The following DOCK3 variants were observed in gnomAD, a reference collection of about 807,000 sequenced individuals.
DOCK3 encodes the protein dedicator of cytokinesis protein 3.
DOCK3 carries 60 observed loss-of-function variants against 265.6 expected under a neutral mutation model. That is an observed-to-expected ratio of 0.23 (90% CI 0.18 to 0.28). DOCK3 has a LOEUF of 0.28. DOCK3 is among the 10% of genes least tolerant of loss of function. The pLI is 1.00. For synonymous variants in DOCK3, 881 were observed against 938.0 expected, an observed-to-expected ratio of 0.94 and a Z score of 1.11; for missense variants, 1,981 against 2,594.3, an observed-to-expected ratio of 0.76 and a Z score of 5.14.
At chr3:51,341,143 G>A (rs2085211148) in intron 37 of DOCK3, 94 bp from the exon 38 acceptor site, 1 of 1,433,188 alleles carries the variant, frequency 7.0e-7, no homozygotes, top group African/African-American at 1.4e-5. Flanking sequence ...GACTTGCGCT[G>A]GCATTCTGCC....
At chr3:51,362,130 C>A in intron 48 of DOCK3, 133 bp downstream of exon 48, 1 of 1,199,434 alleles carries the variant, frequency 8.3e-7, no homozygotes, top group Non-Finnish European at 1.1e-6. Context: ...CACCCCTCAC[C>A]AGAGCTAGAA....
At chr3:50,812,369 A>G (rs2106779407) in intron 2 of DOCK3, among the ~76,000 whole-genome samples, 1 of 152,348 alleles carries the variant, frequency 6.6e-6, no homozygotes, top group Non-Finnish European at 1.5e-5. Flanking sequence ...AGCTGGCAAA[A>G]GAAAGATGTT....
chr3:50,996,282 A>G (rs1295173369), intron 5 of DOCK3, among the ~76,000 whole-genome samples: 1 of 150,264 alleles, frequency 6.7e-6, no homozygotes, highest in Non-Finnish European at 1.5e-5. Context: ...CAGTGGCGCT[A>G]TCTCGGCTCA....
At chr3:50,840,639 G>A (rs1314998384) in intron 2 of DOCK3, among the ~76,000 whole-genome samples, 1 of 152,140 alleles carries the variant, frequency 6.6e-6, no homozygotes, top group African/African-American at 2.4e-5. Context: ...TTTTATGGAG[G>A]AGAGGCTCTT....
intron 1 of DOCK3, among the ~76,000 whole-genome samples, chr3:50,699,249 T>C (rs2035868021): frequency 6.6e-6 from 1 of 152,214 alleles, no homozygotes; most frequent in Admixed American, 6.5e-5. Flanking sequence ...ATTTATGGGT[T>C]TTCTATTCTG....
intron 32 of DOCK3, among the ~76,000 whole-genome samples, chr3:51,317,486 A>T (rs1274180985): frequency 6.6e-6 from 1 of 150,974 alleles, no homozygotes; most frequent in African/African-American, 2.4e-5. Context: ...AGGCTGAGGC[A>T]GGGGAATCAC....
At chr3:50,999,564 G>A (rs1311889186) in intron 5 of DOCK3, among the ~76,000 whole-genome samples, 2 of 151,970 alleles carry the variant, frequency 1.3e-5, no homozygotes, top group Non-Finnish European at 1.5e-5. Context: ...TATTCTCTTC[G>A]TACTGATGAC....
intron 5 of DOCK3, among the ~76,000 whole-genome samples, chr3:51,046,756 C>T: frequency 6.6e-6 from 1 of 151,986 alleles, no homozygotes; most frequent in East Asian, 1.9e-4. Context: ...ACATGCCACC[C>T]AATAGCAACA....
chr3:50,675,362 C>A lies in DOCK3; in HGVS notation c.37+62C>A. ...TGGGGGACGCGCCCAGCTCCCGGCC[C>A]CGCCTGGATTCGCATCCTCGTGCCC... is the stretch of plus-strand genomic sequence containing the variant. On this transcript the variant is annotated intron_variant, in intron 1 of 52. Transcript: ENST00000266037. The surrounding 1 kb of genome is among the most constrained non-coding windows in gnomAD (Gnocchi z 6.1). The A allele has an allele frequency of 8.5e-7, 1 of 1,173,944 alleles. No individual in the cohort carries two copies. The highest frequency in any genetic ancestry group is 1.1e-6 in the Non-Finnish European group (1 of 939,808). The allele number at this position is 1,173,944 out of a possible 1,614,324, so 72.7% of individuals were successfully genotyped here. A position where few individuals can be genotyped will look rare whatever the true frequency, so the allele number is the denominator to read the frequency against.
chr3:50,995,327 T>A (rs1313877229), intron 5 of DOCK3, among the ~76,000 whole-genome samples: 3 of 152,234 alleles, frequency 2.0e-5, no homozygotes, highest in Non-Finnish European at 4.4e-5. Context: ...TTTAGCAGTT[T>A]AATCAGTGCC....
intron 5 of DOCK3, among the ~76,000 whole-genome samples, chr3:50,941,818 A>G (rs911712194): frequency 6.6e-6 from 1 of 152,098 alleles, no homozygotes; most frequent in Admixed American, 6.6e-5. Context: ...TGCATACTCT[A>G]TGATTCCATT....
chr3:51,087,837 T>C (rs1301677849), intron 7 of DOCK3, among the ~76,000 whole-genome samples: 1 of 152,118 alleles, frequency 6.6e-6, no homozygotes, highest in Non-Finnish European at 1.5e-5. Flanking sequence ...TGGAAAACAG[T>C]ATGAGACTTC....
At chr3:50,803,991 C>T (rs1195493843) in intron 2 of DOCK3, among the ~76,000 whole-genome samples, 1 of 151,038 alleles carries the variant, frequency 6.6e-6, no homozygotes, top group Non-Finnish European at 1.5e-5. Flanking sequence ...GACAGGGCGG[C>T]CGGGCAGAGA....
chr3:51,031,498 C>G (rs534500277), intron 5 of DOCK3, among the ~76,000 whole-genome samples: 1 of 152,238 alleles, frequency 6.6e-6, no homozygotes, highest in African/African-American at 2.4e-5. Context: ...GTACTTTGTC[C>G]CAGCAAAGCT....
intron 12 of DOCK3, among the ~76,000 whole-genome samples, chr3:51,187,977 T>G: frequency 6.6e-6 from 1 of 152,156 alleles, no homozygotes; most frequent in Admixed American, 6.5e-5. Flanking sequence ...TGTGCCTTCA[T>G]GTAATATGAT....
Position 50,744,737 on chromosome 3 carries a change from C to A in DOCK3, c.38-33938C>A, listed in dbSNP as rs187726599. Among the ~76,000 whole-genome samples, 753 of 152,206 alleles carry A rather than the reference C, an allele frequency of 4.9e-3. 10 individuals carry two copies. The highest frequency in any genetic ancestry group is 0.017 in the African/African-American group (709 of 41,540). The stretch of plus-strand genomic sequence containing the variant: ...GGCGTGAGCCACTGTATCTGGCCTT[C>A]AGTTAATTTTTGTATGTGTTGATAG... On this transcript the variant is annotated intron_variant, in intron 1 of 52. Transcript: ENST00000266037.
intron 5 of DOCK3, among the ~76,000 whole-genome samples, chr3:51,008,130 T>C (rs1480228038): frequency 6.6e-6 from 1 of 152,204 alleles, no homozygotes; most frequent in Non-Finnish European, 1.5e-5. Context: ...CATGTGAACA[T>C]TAAAGTAGTT....
In DOCK3 at chr3:51,090,238, A is replaced by G. The variant is rs986946312; in HGVS notation, c.600A>G (p.Thr200=). The change falls in exon 9 of 53, where the codon ACA becomes ACG. Residue 200 remains threonine, a synonymous_variant. Coordinates refer to ENST00000266037, the MANE Select transcript of DOCK3 (RefSeq NM_004947.5). ...SVQQSTSQVD[T]MRPRHGETCR... is the part of the protein sequence containing the mutation. ...TTTTTCTTCCTCATTAGGTAGATAC[A>G]ATGCGCCCACGTCATGGGGAAACAT... is the stretch of plus-strand genomic sequence containing the variant. 1.4e-5 allele frequency: 22 copies of G among 1,585,690 alleles called. No individual in the cohort carries two copies. Among genetic ancestry groups the G allele is most frequent in the Middle Eastern group, 3.3e-4 (2 of 6,040 alleles).
At chr3:51,104,350 G>A (rs2083197091) in intron 9 of DOCK3, among the ~76,000 whole-genome samples, 1 of 152,158 alleles carries the variant, frequency 6.6e-6, no homozygotes, top group African/African-American at 2.4e-5. Context: ...GAAGGCTATT[G>A]TAAATGCTTT....
Sources: gnomAD v4.1 joint callset for allele counts (sites outside exome capture counted in the v4.1 genomes callset) on GRCh38, gnomAD v4.1.1 for gene constraint, Gnocchi (gnomAD v3.1) non-coding constraint, MANE v1.5 for transcripts, NCBI Gene and HGNC (gene_info 2026-07-23, HGNC 2026-07-21) for gene names.